PTPRK: variants seen among roughly 807,000 people sequenced by gnomAD.
PTPRK encodes protein tyrosine phosphatase receptor type K.
A neutral mutation model predicts 178.0 loss-of-function variants in PTPRK; 75 were observed. That is an observed-to-expected ratio of 0.42 (90% CI 0.35 to 0.51). The LOEUF (loss-of-function observed/expected upper bound fraction) is 0.51. PTPRK is among the 20% of genes least tolerant of loss of function. The probability of loss-of-function intolerance (pLI) is 0.02; values close to 1 mark genes in which losing one functional copy is unlikely to be tolerated. For synonymous variants in PTPRK, 637 were observed against 620.6 expected (o/e 1.03, Z -0.39); for missense variants, 1,441 against 1,797.8 (o/e 0.80, Z 3.59).
intron 6 of PTPRK, among the ~76,000 whole-genome samples, chr6:128,212,912 A>G: frequency 6.6e-6 from 1 of 152,108 alleles, no homozygotes; most frequent in East Asian, 1.9e-4. Flanking sequence ...AGCTATAAGG[A>G]AACTCAGAAA....
At chr6:128,436,638 G>GC (rs1426181483) in intron 1 of PTPRK, among the ~76,000 whole-genome samples, 1 of 151,882 alleles carries the variant, frequency 6.6e-6, no homozygotes, top group African/African-American at 2.4e-5. Flanking sequence ...AACTTCACAT[G>GC]CATTTTTTAT....
chr6:128,163,782 A>G (rs1055119656), intron 7 of PTPRK, among the ~76,000 whole-genome samples: 6 of 151,536 alleles, frequency 4.0e-5, no homozygotes, highest in African/African-American at 1.4e-4. Context: ...ACAATAAATC[A>G]TATTCCAAGC....
chr6:127,995,668 C>A, intron 17 of PTPRK, 130 bp from the exon 18 acceptor site: 1 of 553,046 alleles, frequency 1.8e-6, no homozygotes, highest in Non-Finnish European at 3.2e-6. Context: ...CCAAATCAGT[C>A]CTTTGAAGAA....
chr6:128,022,973 T>C (rs1430882443), intron 13 of PTPRK, among the ~76,000 whole-genome samples: 2 of 152,146 alleles, frequency 1.3e-5, no homozygotes, highest in East Asian at 3.9e-4. Flanking sequence ...ACCAAAATGC[T>C]CAGATACGGA....
In PTPRK at chr6:128,403,847, A is replaced by G. The variant is rs983599387; in HGVS notation, c.101-6159T>C. Among the ~76,000 whole-genome samples the G allele has an allele frequency of 7.2e-5, 11 of 152,330 alleles. 1 individual carries two copies. Among genetic ancestry groups the G allele is most frequent in the African/African-American group, 1.2e-4 (5 of 41,570 alleles). On this transcript the variant is annotated intron_variant, in intron 1 of 29. Transcript: ENST00000368226. ...CCTTCCTTTAGCGTAGGAGTCAGCAAACTTCATGTACAAAAAGCAAGTTAG... is the reference window on the plus strand; with the variant it reads ...CCTTCCTTTAGCGTAGGAGTCAGCAGACTTCATGTACAAAAAGCAAGTTAG...
chr6:128,184,454 T>C lies in PTPRK; in HGVS notation c.1140A>G (p.Leu380=). Residue 380 remains leucine, a synonymous_variant, in exon 7 of 30, where the codon CTA becomes CTG. Transcript: ENST00000368226. The part of the protein sequence containing the change: ...EGGTGLPGPP[L]ITRTKCAEPM... ...TACCTGCACATTTTGTTCTGGTGAT[T>C]AGTGGAGGTCCTGGGAGCCCCGTTC... is the stretch of plus-strand genomic sequence containing the variant. 6.2e-7 allele frequency: 1 copy of C among 1,613,590 alleles called. No individual in the cohort carries two copies. Among genetic ancestry groups the C allele is most frequent in the Non-Finnish European group, 8.5e-7 (1 of 1,179,722 alleles).
At chr6:128,435,906 T>C (rs1001861231) in intron 1 of PTPRK, among the ~76,000 whole-genome samples, 2 of 151,964 alleles carry the variant, frequency 1.3e-5, no homozygotes, top group Non-Finnish European at 2.9e-5. Context: ...ATAAACATTT[T>C]GGCATTATAA....
At chr6:127,972,413 A>G (rs1774034065) in intron 29 of PTPRK, among the ~76,000 whole-genome samples, 1 of 152,164 alleles carries the variant, frequency 6.6e-6, no homozygotes, top group African/African-American at 2.4e-5. Context: ...TACTCTGCAT[A>G]CAGCTTCACC....
chr6:128,486,927 T>C (rs1272491572), intron 1 of PTPRK, among the ~76,000 whole-genome samples: 2 of 151,746 alleles, frequency 1.3e-5, no homozygotes, highest in East Asian at 2.0e-4. Flanking sequence ...ATCACTTTGG[T>C]TGTGACAGAA....
At chr6:128,106,554 G>T (rs1185200874) in intron 7 of PTPRK, among the ~76,000 whole-genome samples, 11 of 151,098 alleles carry the variant, frequency 7.3e-5, no homozygotes, top group Non-Finnish European at 7.4e-5. Context: ...TCTAATAGAA[G>T]TGTGACATAT....
intron 7 of PTPRK, among the ~76,000 whole-genome samples, chr6:128,130,203 A>G (rs1794003525): frequency 6.6e-6 from 1 of 152,132 alleles, no homozygotes; most frequent in Non-Finnish European, 1.5e-5. Context: ...TAATTTTTCT[A>G]TCTCACATTT....
intron 1 of PTPRK, among the ~76,000 whole-genome samples, chr6:128,515,814 G>A (rs945710819): frequency 1.1e-4 from 16 of 152,110 alleles, no homozygotes; most frequent in African/African-American, 3.9e-4. Context: ...TGCACTCCAT[G>A]AAAAGCAAGT....
chr6:128,230,942 A>G (rs2128278945), intron 5 of PTPRK: 1 of 152,350 alleles, frequency 6.6e-6, no homozygotes, highest in Non-Finnish European at 1.5e-5. Flanking sequence ...TAATCTGTAA[A>G]CATTAAATTC....
At chr6:128,103,658 C>T (rs1446801449) in intron 7 of PTPRK, among the ~76,000 whole-genome samples, 1 of 152,206 alleles carries the variant, frequency 6.6e-6, no homozygotes, top group African/African-American at 2.4e-5. Context: ...TCCTTTTCAT[C>T]AGACAATTCT....
intron 7 of PTPRK, among the ~76,000 whole-genome samples, chr6:128,119,043 T>C (rs2114385192): frequency 6.6e-6 from 1 of 152,258 alleles, no homozygotes; most frequent in African/African-American, 2.4e-5. Flanking sequence ...AATCAGCTGT[T>C]TCTGAAAAGC....
At chr6:128,066,798 T>C (rs1318300358) in intron 12 of PTPRK, among the ~76,000 whole-genome samples, 4 of 152,086 alleles carry the variant, frequency 2.6e-5, no homozygotes, top group Admixed American at 6.6e-5. Context: ...AAAGGCCAGG[T>C]TGTTTTCCCA....
intron 2 of PTPRK, among the ~76,000 whole-genome samples, chr6:128,354,179 G>A (rs966909615): frequency 2.7e-5 from 4 of 149,366 alleles, no homozygotes; most frequent in African/African-American, 9.9e-5. Context: ...TACTAAGTTG[G>A]GATAAGCCTC....
At chr6:128,283,130 C>G (rs1380962433) in intron 3 of PTPRK, among the ~76,000 whole-genome samples, 6 of 152,278 alleles carry the variant, frequency 3.9e-5, no homozygotes, top group Non-Finnish European at 8.8e-5. Context: ...AAGAACCCAG[C>G]TTGTGTTTGA....
chr6:128,165,774 C>T lies in PTPRK; in HGVS notation c.1162+18658G>A, dbSNP rs537948408. Among the ~76,000 whole-genome samples, 7 of 151,248 alleles carry T rather than the reference C, an allele frequency of 4.6e-5. No homozygotes were observed. The South Asian group carries it at 1.5e-3, about 31-fold the overall frequency. On this transcript the variant is annotated intron_variant, in intron 7 of 29. Transcript: ENST00000368226. ...ATAAATTCATAAGGTACTATGAATA[C>T]TCAAGCATTTATGAAAAATTAATGA...
Sources: allele counts gnomAD v4.1 joint callset (sites outside exome capture counted in the v4.1 genomes callset), GRCh38; gene constraint gnomAD v4.1.1; transcripts MANE v1.5; gene names NCBI Gene and HGNC (gene_info 2026-07-23, HGNC 2026-07-21).